YTHDC2: variants seen among roughly 807,000 people sequenced by gnomAD.
YTHDC2 encodes YTH N6-methyladenosine RNA binding protein C2, also known as 3'-5' RNA helicase YTHDC2.
YTHDC2 carries 45 observed loss-of-function variants against 174.9 expected under a neutral mutation model. The observed-to-expected ratio is 0.26, with a 90% CI of 0.20 to 0.33. The LOEUF (loss-of-function observed/expected upper bound fraction) is 0.33, where lower values mean the gene tolerates loss of function less well. YTHDC2 is among the 10% of genes least tolerant of loss of function. YTHDC2 has a pLI of 1.00. For synonymous variants in YTHDC2, 657 were observed against 574.5 expected (o/e 1.14, Z -2.05); for missense variants, 1,650 against 1,723.7 (o/e 0.96, Z 0.76).
intron 10 of YTHDC2, among the ~76,000 whole-genome samples, chr5:113,544,759 G>T (rs913329503): frequency 6.6e-6 from 1 of 151,232 alleles, no homozygotes; most frequent in African/African-American, 2.4e-5. Flanking sequence ...ATGATATCTG[G>T]TCCCCTCCTT....
In YTHDC2 at chr5:113,515,292, T is replaced by C. The variant is rs773609798; in HGVS notation, c.208T>C (p.Leu70=). 5 of 1,608,814 alleles carry C rather than the reference T, an allele frequency of 3.1e-6. No individual in the cohort carries two copies. In the African/African-American group the frequency reaches 5.4e-5, roughly 17 times the overall value. ...DQREMEFPSS[L]TSTERAFIHR... ...TGTAGAAATGGAATTTCCTTCTTCT[T>C]TGACCAGTACTGAAAGAGCCTTTAT... The change falls in exon 2 of 30, where the codon TTG becomes CTG. Residue 70 remains leucine, a synonymous_variant. Coordinates refer to ENST00000161863, the MANE Select transcript of YTHDC2 (RefSeq NM_022828.5).
At chr5:113,530,467 T>C (rs1774578064) in intron 4 of YTHDC2, among the ~76,000 whole-genome samples, 1 of 152,188 alleles carries the variant, frequency 6.6e-6, no homozygotes, top group Admixed American at 6.5e-5. Flanking sequence ...GCAGTATACA[T>C]TCACAACTAA....
chr5:113,556,536 C>T (rs1776623025), intron 17 of YTHDC2, among the ~76,000 whole-genome samples: 1 of 152,134 alleles, frequency 6.6e-6, no homozygotes, highest in Non-Finnish European at 1.5e-5. Flanking sequence ...GCATGTCCTA[C>T]TAATACATTA....
chr5:113,542,293 G>A lies in YTHDC2; in HGVS notation c.1360-75G>A, dbSNP rs1160495761. 4.1e-6 allele frequency: 6 copies of A among 1,469,064 alleles called. No individual in the cohort carries two copies. In the Admixed American group the frequency reaches 6.1e-5, roughly 15 times the overall value. The allele number at this position is 1,469,064 out of a possible 1,614,324, so 91.0% of individuals were successfully genotyped here. ...AGGATTAGTAGTCCTGATGGCCATT[G>A]TGGCCATCTTATGTTCTTTGCAAGC... On this transcript the variant is annotated intron_variant, in intron 9 of 29. Transcript: ENST00000161863.
intron 7 of YTHDC2, among the ~76,000 whole-genome samples, chr5:113,537,533 A>G (rs534342865): frequency 6.8e-6 from 1 of 147,440 alleles, no homozygotes; most frequent in Non-Finnish European, 1.5e-5. Context: ...TATTCCCTTG[A>G]TCCGTTTCCT....
Position 113,567,774 on chromosome 5 carries a change from C to G in YTHDC2, c.3169C>G (p.Pro1057Ala), listed in dbSNP as rs752621062. Residue 1057 changes from proline (P) to alanine (A), a missense_variant, in exon 23 of 30, where the codon CCT (proline) becomes GCT (alanine). This residue lies in a region of YTHDC2 where 913 missense variants were observed against 940.4 expected (regional missense o/e 0.97). Transcript: ENST00000161863. ...ANIRCCSAVT[P>A]VTILVFCGPA... ...TATTAGATGTTGTTCAGCAGTGACG[C>G]CTGTCACTATATTGGTATTCTGTGG... is the stretch of plus-strand genomic sequence containing the variant. 1.2e-6 allele frequency: 2 copies of G among 1,608,974 alleles called. No homozygotes were observed. Among genetic ancestry groups the G allele is most frequent in the East Asian group, 2.2e-5 (1 of 44,596 alleles).
At position 113,539,640 on chromosome 5, in the gene YTHDC2, G is replaced by A. The variant is rs570378122; in HGVS notation, c.1210+459G>A. On this transcript the variant is annotated intron_variant, in intron 8 of 29. Transcript: ENST00000161863. ...TTTAGCATTATTTTCCTGTTAATAC[G>A]TCTCTTGTAATGACATATTTCAGCT... Among the ~76,000 whole-genome samples the A allele has an allele frequency of 3.9e-5, 6 of 152,244 alleles. No individual in the cohort carries two copies. The East Asian group carries it at 9.6e-4, about 24-fold the overall frequency.
At position 113,591,930 on chromosome 5, in the gene YTHDC2, A is replaced by T. The variant is rs369025775; in HGVS notation, c.4030-66A>T. On this transcript the variant is annotated intron_variant, in intron 27 of 29. Transcript: ENST00000161863. ...AATTTTAAAAACTCAGCCTTCTCAG[A>T]TAAATTAAATTTAGACATGCTAATC... is the stretch of plus-strand genomic sequence containing the variant. 2.4e-5 allele frequency: 30 copies of T among 1,225,066 alleles called. No individual in the cohort carries two copies. In the East Asian group the frequency reaches 2.5e-4, roughly 10 times the overall value. The allele number at this position is 1,225,066 out of a possible 1,614,324, so 75.9% of individuals were successfully genotyped here.
At position 113,585,652 on chromosome 5, in the gene YTHDC2, T is replaced by G. The variant is rs569142238; in HGVS notation, c.3825+1173T>G. ...CTCTTTGTCCCTTGAGTTTTGCCTTTTCTAGAATTTCCTGTAAATGGAATC... is the reference window on the plus strand; with the variant it reads ...CTCTTTGTCCCTTGAGTTTTGCCTTGTCTAGAATTTCCTGTAAATGGAATC... On this transcript the variant is annotated intron_variant, in intron 26 of 29. Coordinates refer to ENST00000161863, the MANE Select transcript of YTHDC2 (RefSeq NM_022828.5). Among the ~76,000 whole-genome samples the G allele has an allele frequency of 6.2e-4, 94 of 152,002 alleles. 1 individual carries two copies. The Middle Eastern group carries it at 0.014, about 22-fold the overall frequency.
intron 4 of YTHDC2, among the ~76,000 whole-genome samples, chr5:113,531,910 AT>A (rs1247505913): frequency 3.9e-5 from 6 of 152,204 alleles, no homozygotes; most frequent in Non-Finnish European, 2.9e-5. Flanking sequence ...GAGCAATTTG[AT>A]AATTTTTTTA....
chr5:113,549,019 A>G lies in YTHDC2; in HGVS notation c.1687A>G (p.Ser563Gly), dbSNP rs770470390. The change falls in exon 12 of 30, where the codon AGT (serine) becomes GGT (glycine). Residue 563 changes from serine to glycine, a missense_variant and splice_region_variant. Around this residue, in one of 5 missense-constraint regions of YTHDC2, gnomAD observed 411 missense variants for 380.6 expected, o/e 1.08. Coordinates refer to ENST00000161863, the MANE Select transcript of YTHDC2 (RefSeq NM_022828.5). ...TEIVDLLESY[S>G]ATLEFGNLDE... ...AATTGTGGATCTTCTAGAATCTTACAGGTAAAACTTTGTACTATTTTAAAT... is the reference window on the plus strand; with the variant it reads ...AATTGTGGATCTTCTAGAATCTTACGGGTAAAACTTTGTACTATTTTAAAT... The G allele has an allele frequency of 1.9e-6, 3 of 1,611,412 alleles. No homozygotes were observed. The highest frequency in any genetic ancestry group is 2.2e-5 in the South Asian group (2 of 90,856).
At chr5:113,549,061 TA>T in intron 12 of YTHDC2, 41 bp downstream of exon 12, 1 of 1,503,546 alleles carries the variant, frequency 6.7e-7, no homozygotes, top group Non-Finnish European at 9.2e-7. Flanking sequence ...TACCGTCTCT[TA>T]AAAAAGAGCT....
At chr5:113,588,508 G>C (rs1004591213) in intron 26 of YTHDC2, among the ~76,000 whole-genome samples, 3 of 151,976 alleles carry the variant, frequency 2.0e-5, no homozygotes, top group Non-Finnish European at 4.4e-5. Context: ...TAGTTGGGAA[G>C]TGTTTGTCCC....
chr5:113,526,532 A>G (rs1463295254), intron 3 of YTHDC2, 54 bp from the exon 4 acceptor site: 1 of 1,428,578 alleles, frequency 7.0e-7, no homozygotes, highest in Admixed American at 2.4e-5. Flanking sequence ...TATTTTTAAC[A>G]CTTCTTTTTC....
At chr5:113,561,014 T>TC (rs1461164329) in intron 17 of YTHDC2, 66 bp from the exon 18 acceptor site, 9 of 1,299,840 alleles carry the variant, frequency 6.9e-6, no homozygotes, top group Non-Finnish European at 9.5e-6. Flanking sequence ...TAAATCACAT[T>TC]GCGTTTACAG....
At position 113,540,949 on chromosome 5, in the gene YTHDC2, T is replaced by G; in HGVS notation, c.1211-19T>G. The G allele has an allele frequency of 6.2e-7, 1 of 1,601,930 alleles. No individual in the cohort carries two copies. Among genetic ancestry groups the G allele is most frequent in the Non-Finnish European group, 8.5e-7 (1 of 1,173,672 alleles). On this transcript the variant is annotated intron_variant, in intron 8 of 29. Transcript: ENST00000161863. The stretch of plus-strand genomic sequence containing the variant: ...GGAAATGATTTGTCTACATATTCTT[T>G]CTTTGATAATTAATTTAGAAGAGAA...
chr5:113,564,800 A>G (rs1404691507), intron 20 of YTHDC2, among the ~76,000 whole-genome samples: 1 of 152,090 alleles, frequency 6.6e-6, no homozygotes, highest in East Asian at 1.9e-4. Context: ...TTGAATGTCG[A>G]CTGTGTCTAT....
chr5:113,589,408 A>ATATATATATATATATATATATAT (rs1554103528), intron 26 of YTHDC2, among the ~76,000 whole-genome samples: 12 of 123,250 alleles, frequency 9.7e-5, no homozygotes, highest in Non-Finnish European at 4.9e-5. Flanking sequence ...AAAAAAAAAA[A>ATATATATATATATATATATATAT]ATATATATAT....
intron 12 of YTHDC2, 89 bp from the exon 13 acceptor site, chr5:113,553,092 C>T: frequency 8.0e-7 from 1 of 1,251,302 alleles, no homozygotes; most frequent in South Asian, 1.8e-5. Flanking sequence ...ACCTTACCTT[C>T]CTTAGGGAAT....
Sources: gnomAD v4.1 joint callset for allele counts (sites outside exome capture counted in the v4.1 genomes callset) on GRCh38, gnomAD v4.1.1 for gene constraint, gnomAD v4.1.1 regional missense constraint, MANE v1.5 for transcripts, NCBI Gene and HGNC (gene_info 2026-07-23, HGNC 2026-07-21) for gene names.